MYO7B: variants seen among roughly 807,000 people sequenced by gnomAD.
MYO7B encodes myosin VIIB.
Under a neutral mutation model 259.7 loss-of-function variants are expected in MYO7B, and 212 were observed. The observed-to-expected ratio is 0.82, with a 90% CI of 0.73 to 0.91. MYO7B has a LOEUF of 0.91. Among genes scored for constraint, MYO7B ranks in the 40% least tolerant of loss-of-function variants. The pLI is 0.00. For synonymous variants in MYO7B, 1,197 were observed against 1,166.4 expected, an observed-to-expected ratio of 1.03 and a Z score of -0.54; for missense variants, 2,732 against 2,813.5, an observed-to-expected ratio of 0.97 and a Z score of 0.66.
chr2:127,634,341 G>A, intron 41 of MYO7B, 52 bp downstream of exon 41: 1 of 1,359,214 alleles, frequency 7.4e-7, no homozygotes, highest in Non-Finnish European at 1.0e-6. Context: ...AGTGAGCGAG[G>A]CCCTAGGTGC....
intron 17 of MYO7B, 109 bp downstream of exon 17, chr2:127,593,055 C>T (rs2104978424): frequency 9.3e-6 from 13 of 1,393,888 alleles, no homozygotes; most frequent in Non-Finnish European, 1.3e-5. Flanking sequence ...CTCCCCGGCC[C>T]CAGCCTTGCG....
chr2:127,625,613 G>A, intron 31 of MYO7B, 78 bp downstream of exon 31: 1 of 1,372,160 alleles, frequency 7.3e-7, no homozygotes, highest in Non-Finnish European at 9.5e-7. Context: ...ATACAGAGGA[G>A]ATGGATTCCC....
intron 24 of MYO7B, 135 bp from the exon 25 acceptor site, chr2:127,612,115 G>T (rs1377821670): frequency 4.6e-6 from 2 of 430,162 alleles, no homozygotes; most frequent in Non-Finnish European, 9.3e-6. Context: ...CTGAGGGACT[G>T]CATGGTGCTT....
chr2:127,541,750 C>T (rs1289323881), intron 1 of MYO7B, among the ~76,000 whole-genome samples: 1 of 152,200 alleles, frequency 6.6e-6, no homozygotes, highest in African/African-American at 2.4e-5. Context: ...TATTTCCCCT[C>T]TGATAGGGAG....
rs765057559 is a variant in MYO7B, at chr2:127,605,852, T to G, written c.2348T>G (p.Phe783Cys). 3.7e-6 allele frequency: 6 copies of G among 1,613,628 alleles called. No individual in the cohort carries two copies. The African/African-American group carries it at 8.0e-5, about 22-fold the overall frequency. Residue 783 changes from phenylalanine (F) to cysteine (C), a missense_variant, in exon 20 of 48, where the codon TTC (phenylalanine) becomes TGC (cysteine). By Grantham distance (205) the Phe-to-Cys change is radical. Around this residue, in one of 3 missense-constraint regions of MYO7B, gnomAD observed 1,906 missense variants for 2,026.4 expected, o/e 0.94. Transcript: ENST00000409816. ...VLRGYRYRKEFLRQRRAAVTL... is the reference protein window; with the variant it reads ...VLRGYRYRKECLRQRRAAVTL... ...TTGCATTGCCCTTCTAGGAAGGAGT[T>G]CCTGAGGCAGAGGCGGGCAGCTGTG...
In MYO7B at chr2:127,630,795, AC is replaced by A; in HGVS notation, c.4826del (p.Pro1609GlnfsTer45). ...AQLLSLLAMS[P>X]EKRKLAAQEG... Reference sequence around the variant, plus strand: ...CCCTTCAGAGCTTGCTTGCCATGTCACCAGAGAAGAGGAAGCTGGCGGCTCA... The same window carrying A: ...CCCTTCAGAGCTTGCTTGCCATGTCACAGAGAAGAGGAAGCTGGCGGCTCA... On this transcript the variant is annotated frameshift_variant, in exon 36 of 48. Coordinates refer to ENST00000409816, the MANE Select transcript of MYO7B (RefSeq NM_001393586.1). LOFTEE classifies it high-confidence loss of function. The A allele has an allele frequency of 6.2e-7, 1 of 1,612,968 alleles. No individual in the cohort carries two copies. The highest frequency in any genetic ancestry group is 8.5e-7 in the Non-Finnish European group (1 of 1,179,782).
intron 1 of MYO7B, among the ~76,000 whole-genome samples, chr2:127,553,177 T>C (rs1291900358): frequency 3.9e-5 from 6 of 152,256 alleles, no homozygotes; most frequent in Non-Finnish European, 8.8e-5. Flanking sequence ...TAAGATAGTT[T>C]GAATTCAGGT....
chr2:127,636,670 C>T lies in MYO7B; in HGVS notation c.6207+42C>T, dbSNP rs780422399. ...CGGAGGGGCTGGGGGCCACCAGGTC[C>T]AGGGACCTGTGCAGGTGGGGCTGCA... On this transcript the variant is annotated intron_variant, in intron 46 of 47. Coordinates refer to ENST00000409816, the MANE Select transcript of MYO7B (RefSeq NM_001393586.1). This position sits in a 1 kb window ranked among gnomAD's most constrained non-coding sequence, Gnocchi z 4.5. The T allele has an allele frequency of 1.3e-6, 2 of 1,558,996 alleles. No individual in the cohort carries two copies. The highest frequency in any genetic ancestry group is 1.8e-6 in the Non-Finnish European group (2 of 1,134,966).
chr2:127,559,692 C>A lies in MYO7B; in HGVS notation c.-23-8C>A. The stretch of plus-strand genomic sequence containing the variant: ...GGAGCTGACGTTCTGCTTTCTCTCT[C>A]CATACAGGCTTGTGGAACTGCTGAC... On this transcript the variant is annotated splice_polypyrimidine_tract_variant and splice_region_variant and intron_variant, in intron 1 of 47. Transcript: ENST00000409816. This position sits in a 1 kb window ranked among gnomAD's most constrained non-coding sequence, Gnocchi z 4.1. 6.2e-7 allele frequency: 1 copy of A among 1,613,902 alleles called. No homozygotes were observed. Among genetic ancestry groups the A allele is most frequent in the Non-Finnish European group, 8.5e-7 (1 of 1,179,808 alleles).
intron 2 of MYO7B, among the ~76,000 whole-genome samples, chr2:127,561,055 G>A (rs536562590): frequency 2.6e-5 from 4 of 152,144 alleles, no homozygotes; most frequent in Admixed American, 6.5e-5. Flanking sequence ...ACATGAGAGC[G>A]TGGCTCCACT....
At chr2:127,541,180 G>A (rs550645397) in intron 1 of MYO7B, among the ~76,000 whole-genome samples, 4 of 152,036 alleles carry the variant, frequency 2.6e-5, no homozygotes, top group Non-Finnish European at 5.9e-5. Flanking sequence ...CATGGTGAAG[G>A]AGGCATCTCT....
intron 40 of MYO7B, 50 bp from the exon 41 acceptor site, chr2:127,634,126 T>C: frequency 6.9e-7 from 1 of 1,440,938 alleles, no homozygotes. Flanking sequence ...TCCTGGGCTG[T>C]ACTGGCCCCT....
chr2:127,568,175 G>A (rs1043251229), intron 5 of MYO7B, among the ~76,000 whole-genome samples: 13 of 152,222 alleles, frequency 8.5e-5, no homozygotes, highest in African/African-American at 3.1e-4. Context: ...GGTACTCTGG[G>A]AGAAAGCTGG....
Position 127,636,509 on chromosome 2 carries a change from G to C in MYO7B, c.6124-36G>C. 6.3e-7 allele frequency: 1 copy of C among 1,585,550 alleles called. No individual in the cohort carries two copies. Among genetic ancestry groups the C allele is most frequent in the African/African-American group, 1.3e-5 (1 of 74,178 alleles). ...CCTGGGAGGTGCAGCCTGGCCTCCC[G>C]GGCTGGACTATGACCGCCGTGTCCC... On this transcript the variant is annotated intron_variant, in intron 45 of 47. Coordinates refer to ENST00000409816, the MANE Select transcript of MYO7B (RefSeq NM_001393586.1). This position sits in a 1 kb window ranked among gnomAD's most constrained non-coding sequence, Gnocchi z 4.5.
chr2:127,604,776 C>T (rs1680102855), intron 19 of MYO7B, among the ~76,000 whole-genome samples: 1 of 152,172 alleles, frequency 6.6e-6, no homozygotes, highest in Non-Finnish European at 1.5e-5. Flanking sequence ...AGATGGGGCA[C>T]TACTGGTTGG....
intron 20 of MYO7B, among the ~76,000 whole-genome samples, chr2:127,606,876 G>A (rs1680171422): frequency 6.6e-6 from 1 of 152,246 alleles, no homozygotes; most frequent in East Asian, 1.9e-4. Flanking sequence ...GTGGACAGCA[G>A]GGCCTCAGGA....
At chr2:127,565,685 G>A (rs1020669129) in intron 4 of MYO7B, among the ~76,000 whole-genome samples, 3 of 152,236 alleles carry the variant, frequency 2.0e-5, no homozygotes, top group African/African-American at 7.2e-5. Context: ...CTCCTTCCCA[G>A]GCATGTTGTA....
intron 18 of MYO7B, among the ~76,000 whole-genome samples, chr2:127,595,486 T>A (rs562212825): frequency 6.6e-6 from 1 of 152,242 alleles, no homozygotes; most frequent in Non-Finnish European, 1.5e-5. Context: ...TGCTCTGATC[T>A]TGGTTTCTTC....
At chr2:127,594,360 C>A (rs1679683623) in intron 18 of MYO7B, among the ~76,000 whole-genome samples, 1 of 152,218 alleles carries the variant, frequency 6.6e-6, no homozygotes, top group Non-Finnish European at 1.5e-5. Context: ...GCCAGCTTGC[C>A]TGAGCTCCCA....
Sources: allele counts gnomAD v4.1 joint callset (sites outside exome capture counted in the v4.1 genomes callset), GRCh38; gene constraint gnomAD v4.1.1; regional missense constraint gnomAD v4.1.1; non-coding constraint Gnocchi (gnomAD v3.1); transcripts MANE v1.5; gene names NCBI Gene and HGNC (gene_info 2026-07-23, HGNC 2026-07-21).